SNX29: variants seen among roughly 807,000 people sequenced by gnomAD.
The protein encoded by SNX29 is sorting nexin 29.
A neutral mutation model predicts 102.1 loss-of-function variants in SNX29; 78 were observed. The observed-to-expected ratio is 0.76, with a 90% CI of 0.64 to 0.92. The LOEUF (loss-of-function observed/expected upper bound fraction) is 0.92. Ranked by LOEUF, SNX29 falls within the 40% of genes least tolerant of loss-of-function variation. SNX29 has a pLI of 0.00. For synonymous variants in SNX29, 580 were observed against 414.5 expected (o/e 1.40, Z -4.85); for missense variants, 1,280 against 1,061.7 (o/e 1.21, Z -2.86).
At chr16:12,491,125 A>G (rs2088524671) in intron 19 of SNX29, among the ~76,000 whole-genome samples, 1 of 152,258 alleles carries the variant, frequency 6.6e-6, no homozygotes, top group South Asian at 2.1e-4. Flanking sequence ...ACTTGCCGAT[A>G]GTCTATGGTG....
At chr16:12,227,481 G>A (rs2077646373) in intron 14 of SNX29, among the ~76,000 whole-genome samples, 1 of 152,192 alleles carries the variant, frequency 6.6e-6, no homozygotes. Context: ...ACACAGAAAT[G>A]ACCAACTCAA....
chr16:12,538,022 C>A lies in SNX29; in HGVS notation c.2318+13181C>A, dbSNP rs544998784. Among the ~76,000 whole-genome samples the A allele has an allele frequency of 6.6e-5, 10 of 151,894 alleles. No homozygotes were observed. The East Asian group carries it at 1.9e-3, about 29-fold the overall frequency. On this transcript the variant is annotated intron_variant, in intron 20 of 20. Coordinates refer to ENST00000566228, the MANE Select transcript of SNX29 (RefSeq NM_032167.5). ...AAAAAAATTGTCTGCCATTTATAGA[C>A]CAAAATCGTCCTGTCCTGCTAAAGT...
intron 15 of SNX29, among the ~76,000 whole-genome samples, chr16:12,343,059 C>T (rs2081661924): frequency 6.6e-6 from 1 of 152,212 alleles, no homozygotes; most frequent in African/African-American, 2.4e-5. Flanking sequence ...CTGTCTTTCT[C>T]TTGAAACTTG....
At chr16:12,229,036 ACACAGACCTTGGACTTGC>A (rs1202880877) in intron 14 of SNX29, among the ~76,000 whole-genome samples, 1 of 152,138 alleles carries the variant, frequency 6.6e-6, no homozygotes, top group African/African-American at 2.4e-5. Context: ...TCATTCCTTC[ACACAGACCTTGGACTTGC>A]CACCTCCTCA....
chr16:12,062,015 A>G (rs1386590251), intron 9 of SNX29, among the ~76,000 whole-genome samples: 2 of 152,022 alleles, frequency 1.3e-5, no homozygotes, highest in Admixed American at 1.3e-4. Context: ...AGGTAACTGA[A>G]CCCCTGTCTG....
intron 15 of SNX29, among the ~76,000 whole-genome samples, chr16:12,290,948 A>G (rs1259699042): frequency 1.3e-5 from 2 of 152,182 alleles, no homozygotes; most frequent in African/African-American, 4.8e-5. Context: ...TGCTGGATCC[A>G]CTATAGACTT....
At chr16:12,355,600 T>G (rs1050101071) in intron 15 of SNX29, among the ~76,000 whole-genome samples, 9 of 152,130 alleles carry the variant, frequency 5.9e-5, no homozygotes, top group African/African-American at 1.9e-4. Context: ...CTAAAAGGCT[T>G]AAGTAAATTA....
At chr16:12,486,162 C>G (rs2088219919) in intron 19 of SNX29, among the ~76,000 whole-genome samples, 1 of 152,230 alleles carries the variant, frequency 6.6e-6, no homozygotes, top group South Asian at 2.1e-4. Flanking sequence ...GCCCCTTCCT[C>G]TGTCTTCCGT....
chr16:12,550,414 A>T (rs1383816805), intron 20 of SNX29, among the ~76,000 whole-genome samples: 1 of 151,660 alleles, frequency 6.6e-6, no homozygotes, highest in Non-Finnish European at 1.5e-5. Flanking sequence ...GCACGCCTGT[A>T]CTCCCACCTA....
chr16:12,542,225 G>A (rs191011805), intron 20 of SNX29, among the ~76,000 whole-genome samples: 41 of 152,224 alleles, frequency 2.7e-4, no homozygotes, highest in Middle Eastern at 3.4e-3. Flanking sequence ...AACTCAGAGG[G>A]ATAGGACCTA....
chr16:12,565,572 C>G (rs905015035), intron 20 of SNX29, among the ~76,000 whole-genome samples: 1 of 152,090 alleles, frequency 6.6e-6, no homozygotes, highest in Non-Finnish European at 1.5e-5. Flanking sequence ...AGCCTACTGT[C>G]ACACCCTCAA....
intron 1 of SNX29, among the ~76,000 whole-genome samples, chr16:11,985,953 C>T (rs943923551): frequency 5.9e-5 from 9 of 151,492 alleles, no homozygotes; most frequent in African/African-American, 1.2e-4. Flanking sequence ...CCGCCTCGAG[C>T]GCCACCATGC....
At chr16:12,542,620 C>T (rs138595658) in intron 20 of SNX29, among the ~76,000 whole-genome samples, 314 of 152,356 alleles carry the variant, frequency 2.1e-3, no homozygotes, top group African/African-American at 6.4e-3. Flanking sequence ...GCGTGAGCCA[C>T]GGCACCCAGT....
rs187776514 is a variant in SNX29 at position 12,541,746 on chromosome 16, C to T, written c.2318+16905C>T. Among the ~76,000 whole-genome samples the T allele has an allele frequency of 2.3e-4, 35 of 152,228 alleles. No individual in the cohort carries two copies. In the East Asian group the frequency reaches 4.8e-3, roughly 21 times the overall value. On this transcript the variant is annotated intron_variant, in intron 20 of 20. Transcript: ENST00000566228. ...ACCTCCTGTCTTTTCCGTACTGTGC[C>T]AGCCAGTGCCTGATACTGACCTGCG...
intron 20 of SNX29, among the ~76,000 whole-genome samples, chr16:12,538,274 CCTGG>C (rs1371294927): frequency 6.6e-6 from 1 of 152,146 alleles, no homozygotes. Flanking sequence ...TGCCACCACA[CCTGG>C]CTAATTTTGT....
chr16:12,076,604 G>T (rs757219642), intron 10 of SNX29, among the ~76,000 whole-genome samples: 6 of 152,118 alleles, frequency 3.9e-5, no homozygotes, highest in Non-Finnish European at 8.8e-5. Context: ...GCCCAGCCTG[G>T]TCATAACATT....
chr16:12,356,200 A>T lies in SNX29; in HGVS notation c.1820A>T (p.Glu607Val). 1 of 1,613,376 alleles carries T rather than the reference A, an allele frequency of 6.2e-7. No individual in the cohort carries two copies. The highest frequency in any genetic ancestry group is 8.5e-7 in the Non-Finnish European group (1 of 1,179,728). ...EMHGELIEFNERLHRALVAKE... is the reference protein window; with the variant it reads ...EMHGELIEFNVRLHRALVAKE... Reference sequence around the variant, plus strand: ...CATGGCGAGCTGATTGAGTTCAACGAGCGCCTGCACAGGGCCCTGGTAGCC... The same window carrying T: ...CATGGCGAGCTGATTGAGTTCAACGTGCGCCTGCACAGGGCCCTGGTAGCC... The change falls in exon 16 of 21, where the codon GAG becomes GTG. Residue 607 changes from glutamate (E) to valine (V), a missense_variant. Physicochemically the swap from Glu to Val is moderately radical, Grantham distance 121. Coordinates refer to ENST00000566228, the MANE Select transcript of SNX29 (RefSeq NM_032167.5).
In SNX29 at chr16:12,382,601, G is replaced by C. The variant is rs374003871; in HGVS notation, c.1900-15845G>C. 5.0e-4 allele frequency among the ~76,000 whole-genome samples: 76 copies of C among 152,338 alleles called. 3 individuals are homozygous for C. Among genetic ancestry groups the C allele is most frequent in the African/African-American group, 1.7e-3 (71 of 41,562 alleles). On this transcript the variant is annotated intron_variant, in intron 16 of 20. Coordinates refer to ENST00000566228, the MANE Select transcript of SNX29 (RefSeq NM_032167.5). ...GTTAGCTGCCAGTGTTAGTTTCTTA[G>C]AGCTGCTGTAACCAATTACCATAAA...
At chr16:12,543,033 G>T (rs1214574274) in intron 20 of SNX29, among the ~76,000 whole-genome samples, 1 of 152,142 alleles carries the variant, frequency 6.6e-6, no homozygotes, top group Non-Finnish European at 1.5e-5. Flanking sequence ...TGGATCCAGA[G>T]GCTCAAAAAG....
Sources: allele counts gnomAD v4.1 joint callset (sites outside exome capture counted in the v4.1 genomes callset), GRCh38; gene constraint gnomAD v4.1.1; transcripts MANE v1.5; gene names NCBI Gene and HGNC (gene_info 2026-07-23, HGNC 2026-07-21).